C19orf67: variants seen among roughly 807,000 people sequenced by gnomAD.
The protein encoded by C19orf67 is UPF0575 protein C19orf67.
A neutral mutation model predicts 41.4 loss-of-function variants in C19orf67; 28 were observed. The observed-to-expected ratio is 0.68, with a 90% CI of 0.50 to 0.93. The LOEUF (loss-of-function observed/expected upper bound fraction) is 0.93. Among genes scored for constraint, C19orf67 ranks in the 40% least tolerant of loss-of-function variants. C19orf67 has a pLI of 0.00. For missense variants in C19orf67, 421 were observed against 467.0 expected (o/e 0.90, Z 0.91); for synonymous variants, 242 against 203.4 (o/e 1.19, Z -1.62).
At position 14,081,997 on chromosome 19, in the gene C19orf67, G is replaced by C. The variant is rs771984241; in HGVS notation, c.914C>G (p.Pro305Arg). 39 of 1,510,866 alleles carry C rather than the reference G, an allele frequency of 2.6e-5. No individual in the cohort carries two copies. In the Middle Eastern group the frequency reaches 1.0e-3, roughly 39 times the overall value. The allele number at this position is 1,510,866 out of a possible 1,614,324, so 93.6% of individuals were successfully genotyped here. A position where few individuals can be genotyped will look rare whatever the true frequency, so the allele number is the denominator to read the frequency against. The change falls in exon 6 of 6, where the codon CCG (proline) becomes CGG (arginine). Residue 305 changes from proline to arginine, a missense_variant. By Grantham distance (103) the Pro-to-Arg change is moderately radical (BLOSUM62 -2). Transcript: ENST00000548523. ...EDDLYSWILCPQPLGDYQQLL... is the reference protein window; with the variant it reads ...EDDLYSWILCRQPLGDYQQLL... Reference sequence around the variant, plus strand: ...CTGCTGGTAGTCCCCAAGCGGCTGCGGGCACAAAATCCTGGGGTGGGGGGG... The same window carrying C: ...CTGCTGGTAGTCCCCAAGCGGCTGCCGGCACAAAATCCTGGGGTGGGGGGG...
chr19:14,081,887 C>T lies in C19orf67; in HGVS notation c.1024G>A (p.Ala342Thr). 1 of 1,534,040 alleles carries T rather than the reference C, an allele frequency of 6.5e-7. No individual in the cohort carries two copies. The highest frequency in any genetic ancestry group is 2.5e-5 in the East Asian group (1 of 40,766). The change falls in exon 6 of 6, where the codon GCC (alanine) becomes ACC (threonine). Residue 342 changes from alanine to threonine, a missense_variant. Transcript: ENST00000548523. The part of the protein sequence containing the change: ...VQILTGQAGQ[A>T]RPPSAAGPAG... ...GGCCCGGCTGCGCTCGGAGGCCGGG[C>T]CTGGCCTGCCTGGCCCGTGAGGATC...
chr19:14,085,551 G>A lies in C19orf67; in HGVS notation c.77C>T (p.Pro26Leu), dbSNP rs2145727032. ...GGGGTCTCCGCAGGGCGGCGTCCCA[G>A]GTTCCAAGGCGTCTGGAGGCGGTGT... is the stretch of plus-strand genomic sequence containing the variant. ...GETPPPDALE[P>L]GTPPCGDPSR... is the part of the protein sequence containing the mutation. Residue 26 changes from proline (P) to leucine (L), a missense_variant, in exon 1 of 6, where the codon CCT becomes CTT. Transcript: ENST00000548523. The A allele has an allele frequency of 6.5e-7, 1 of 1,535,346 alleles. No homozygotes were observed. The highest frequency in any genetic ancestry group is 1.7e-4 in the Middle Eastern group (1 of 5,978).
Position 14,083,505 on chromosome 19 carries a change from C to T in C19orf67, c.581G>A (p.Ser194Asn), listed in dbSNP as rs1568518478. 6.5e-7 allele frequency: 1 copy of T among 1,535,854 alleles called. No homozygotes were observed. Among genetic ancestry groups the T allele is most frequent in the Non-Finnish European group, 8.7e-7 (1 of 1,146,728 alleles). Residue 194 changes from serine (S) to asparagine (N), a missense_variant and splice_region_variant, in exon 3 of 6, where the codon AGC becomes AAC. Coordinates refer to ENST00000548523, the MANE Select transcript of C19orf67 (RefSeq NM_001277378.2). Reference sequence around the variant, plus strand: ...CCATCTGAGTCTCCTACCATTTTACCTAAGGGGGTTCATCTCCTCCAGGTC... The same window carrying T: ...CCATCTGAGTCTCCTACCATTTTACTTAAGGGGGTTCATCTCCTCCAGGTC... Reference protein sequence around the residue: ...FVDLEEMNPLSISCFFCGRFS... With the variant: ...FVDLEEMNPLNISCFFCGRFS...
rs993656708 is a variant in C19orf67 at position 14,083,618 on chromosome 19, G to C, written c.481-13C>G. ...AGATCTCTAACAGCTGCATACAAGA[G>C]GGGGGTACAGTGAGATCAGCTGGCC... On this transcript the variant is annotated splice_polypyrimidine_tract_variant and intron_variant, in intron 2 of 5. Coordinates refer to ENST00000548523, the MANE Select transcript of C19orf67 (RefSeq NM_001277378.2). 14 of 1,534,850 alleles carry C rather than the reference G, an allele frequency of 9.1e-6. No homozygotes were observed. The highest frequency in any genetic ancestry group is 2.0e-5 in the Admixed American group (1 of 50,958).
intron 5 of C19orf67, 88 bp from the exon 6 acceptor site, chr19:14,082,096 G>T: frequency 8.6e-7 from 1 of 1,156,870 alleles, no homozygotes; most frequent in Non-Finnish European, 1.2e-6. Context: ...AGAGGCTCAG[G>T]TGAAAGAGGC....
intron 4 of C19orf67, among the ~76,000 whole-genome samples, chr19:14,082,849 CT>C (rs374431275): frequency 3.7e-3 from 536 of 143,322 alleles, no homozygotes; most frequent in Middle Eastern, 7.1e-3. Flanking sequence ...TCCTGGTTCA[CT>C]TTTTTTTTTT....
Position 14,081,798 on chromosome 19 carries a change from A to T in C19orf67, c.*36T>A, listed in dbSNP as rs766144334. 3.4e-6 allele frequency: 5 copies of T among 1,453,740 alleles called. No individual in the cohort carries two copies. The highest frequency in any genetic ancestry group is 4.5e-6 in the Non-Finnish European group (5 of 1,101,396). 90.1% of individuals were successfully genotyped at this position (1,453,740 alleles called of 1,614,324 possible). The stretch of plus-strand genomic sequence containing the variant: ...CCTGCCCCCTATTCTGGAGTTTGGA[A>T]CTGTCAAGTTCCAGCTCCTACCCTC... On this transcript the variant is annotated 3_prime_UTR_variant, in exon 6 of 6. Coordinates refer to ENST00000548523, the MANE Select transcript of C19orf67 (RefSeq NM_001277378.2).
Position 14,083,498 on chromosome 19 carries a change from A to G in C19orf67, c.581+7T>C, listed in dbSNP as rs1403497049. 2 of 1,535,570 alleles carry G rather than the reference A, an allele frequency of 1.3e-6. No individual in the cohort carries two copies. Among genetic ancestry groups the G allele is most frequent in the East Asian group, 4.9e-5 (2 of 40,912 alleles). The stretch of plus-strand genomic sequence containing the variant: ...CATCCCCCCATCTGAGTCTCCTACC[A>G]TTTTACCTAAGGGGGTTCATCTCCT... On this transcript the variant is annotated splice_region_variant and intron_variant, in intron 3 of 5. Transcript: ENST00000548523.
Position 14,082,540 on chromosome 19 carries a change from T to C in C19orf67, c.831A>G (p.Pro277=), listed in dbSNP as rs1473927028. The C allele has an allele frequency of 6.5e-7, 1 of 1,536,384 alleles. No individual in the cohort carries two copies. Among genetic ancestry groups the C allele is most frequent in the Non-Finnish European group, 8.7e-7 (1 of 1,146,936 alleles). The change falls in exon 5 of 6, where the codon CCA becomes CCG. Residue 277 remains proline, a synonymous_variant. Transcript: ENST00000548523. ...DTGQSPANSC[P]QIQKLWSIGR... ...CGATGGACCACAGCTTCTGGATCTG[T>C]GGGCACGAATTGGCTGGACTCTGGC...
At position 14,083,760 on chromosome 19, in the gene C19orf67, T is replaced by A. The variant is rs1332364362; in HGVS notation, c.453A>T (p.Gly151=). 1 of 1,436,158 alleles carries A rather than the reference T, an allele frequency of 7.0e-7. No individual in the cohort carries two copies. The highest frequency in any genetic ancestry group is 2.8e-5 in the Admixed American group (1 of 36,304). The allele number at this position is 1,436,158 out of a possible 1,614,324, so 89.0% of individuals were successfully genotyped here. A position where few individuals can be genotyped will look rare whatever the true frequency, so the allele number is the denominator to read the frequency against. Residue 151 remains glycine (G), a synonymous_variant, in exon 2 of 6, where the codon GGA becomes GGT. Transcript: ENST00000548523. ...AAARSIPPIY[G]PLQELVRKGL... is the part of the protein sequence containing the mutation. ...CCTTTCGGACCAGCTCCTGCAGGGG[T>A]CCATAGATGGGGGGTATGCTTCTCG... is the stretch of plus-strand genomic sequence containing the variant.
chr19:14,083,501 T>C lies in C19orf67; in HGVS notation c.581+4A>G. The C allele has an allele frequency of 1.3e-6, 2 of 1,535,604 alleles. No homozygotes were observed. Among genetic ancestry groups the C allele is most frequent in the Non-Finnish European group, 1.7e-6 (2 of 1,146,554 alleles). ...CCCCCCATCTGAGTCTCCTACCATT[T>C]TACCTAAGGGGGTTCATCTCCTCCA... On this transcript the variant is annotated splice_donor_region_variant and intron_variant, in intron 3 of 5. Coordinates refer to ENST00000548523, the MANE Select transcript of C19orf67 (RefSeq NM_001277378.2).
rs1055902456 is a variant in C19orf67 at position 14,083,533 on chromosome 19, C to T, written c.553G>A (p.Val185Met). The T allele has an allele frequency of 1.2e-5, 18 of 1,535,904 alleles. No homozygotes were observed. The highest frequency in any genetic ancestry group is 1.5e-5 in the Non-Finnish European group (17 of 1,146,872). ...AGGGGGTTCATCTCCTCCAGGTCCA[C>T]GAACCCAAAGGAAGCGTACATGAGG... ...LVLMYASFGF[V>M]DLEEMNPLSI... The change falls in exon 3 of 6, where the codon GTG (valine) becomes ATG (methionine). Residue 185 changes from valine to methionine, a missense_variant. This residue lies in a region of C19orf67 where 253 missense variants were observed against 307.0 expected (regional missense o/e 0.82). Coordinates refer to ENST00000548523, the MANE Select transcript of C19orf67 (RefSeq NM_001277378.2).
chr19:14,082,625 A>T (rs1331013301), intron 4 of C19orf67, 22 bp from the exon 5 acceptor site: 20 of 1,531,610 alleles, frequency 1.3e-5, no homozygotes, highest in Non-Finnish European at 1.7e-5. Context: ...GGGAGCTGTA[A>T]TTAGAAGTGA....
Position 14,081,838 on chromosome 19 carries a change from G to C in C19orf67, c.1073C>G (p.Ser358Cys). The C allele has an allele frequency of 6.5e-7, 1 of 1,529,180 alleles. No homozygotes were observed. The highest frequency in any genetic ancestry group is 8.7e-7 in the Non-Finnish European group (1 of 1,143,750). 94.7% of individuals were successfully genotyped at this position (1,529,180 alleles called of 1,614,324 possible). Residue 358 changes from serine (S) to cysteine (C), a missense_variant, in exon 6 of 6, where the codon TCT becomes TGT. Physicochemically the swap from Ser to Cys is moderately radical, Grantham distance 112. Coordinates refer to ENST00000548523, the MANE Select transcript of C19orf67 (RefSeq NM_001277378.2). ...AGPAGWAAQGS is the reference protein window; with the variant it reads ...AGPAGWAAQGC ...CTCCTACCCTCTTCCCCAGGTTCAA[G>C]ACCCCTGCGCTGCCCACCCCGCAGG...
At position 14,081,683 on chromosome 19, in the gene C19orf67, C is replaced by T. The variant is rs1599320932; in HGVS notation, c.*151G>A. On this transcript the variant is annotated 3_prime_UTR_variant, in exon 6 of 6. Coordinates refer to ENST00000548523, the MANE Select transcript of C19orf67 (RefSeq NM_001277378.2). ...CGTGTCCGCATTCAGGGCCCCACGG[C>T]CAAGCCGGACTCGGTGCAGACAGGT... is the stretch of plus-strand genomic sequence containing the variant. 1 of 582,950 alleles carries T rather than the reference C, an allele frequency of 1.7e-6. No individual in the cohort carries two copies. The highest frequency in any genetic ancestry group is 2.7e-6 in the Non-Finnish European group (1 of 364,686). The allele number at this position is 582,950 out of a possible 1,614,324, so 36.1% of individuals were successfully genotyped here.
Position 14,085,457 on chromosome 19 carries a change from C to T in C19orf67, c.171G>A (p.Arg57=). The T allele has an allele frequency of 9.1e-6, 14 of 1,535,386 alleles. No individual in the cohort carries two copies. Among genetic ancestry groups the T allele is most frequent in the Non-Finnish European group, 1.2e-5 (14 of 1,146,666 alleles). The change falls in exon 1 of 6, where the codon CGG becomes CGA. Residue 57 remains arginine, a synonymous_variant. Transcript: ENST00000548523. ...SEPDPEDAEG[R]LAEARASTSS... ...ACGTGGAGGCCCGGGCCTCAGCCAG[C>T]CGCCCCTCGGCATCTTCAGGATCCG...
In C19orf67 at chr19:14,085,529, G is replaced by A. The variant is rs771913403; in HGVS notation, c.99C>T (p.Asp33=). The part of the protein sequence containing the change: ...ALEPGTPPCG[D]PSRSTPPGRP... Reference sequence around the variant, plus strand: ...TGCCAGGGGGCGTCGACCTGGAGGGGTCTCCGCAGGGCGGCGTCCCAGGTT... The same window carrying A: ...TGCCAGGGGGCGTCGACCTGGAGGGATCTCCGCAGGGCGGCGTCCCAGGTT... The change falls in exon 1 of 6, where the codon GAC becomes GAT. Residue 33 remains aspartate (D), a synonymous_variant. Transcript: ENST00000548523. The A allele has an allele frequency of 1.3e-4, 202 of 1,535,288 alleles. No homozygotes were observed. The highest frequency in any genetic ancestry group is 1.7e-4 in the Non-Finnish European group (198 of 1,146,698).
intron 1 of C19orf67, among the ~76,000 whole-genome samples, chr19:14,084,676 GA>G (rs1382697976): frequency 6.6e-6 from 1 of 151,858 alleles, no homozygotes; most frequent in Non-Finnish European, 1.5e-5. Context: ...ACTAAGAAAA[GA>G]AAAAAATTAG....
chr19:14,083,909 C>G, intron 1 of C19orf67, 32 bp from the exon 2 acceptor site: 1 of 1,295,994 alleles, frequency 7.7e-7, no homozygotes, highest in Non-Finnish European at 9.8e-7. Flanking sequence ...TGCCTGGAAT[C>G]CCTCACAACC....
Sources: gnomAD v4.1 joint callset for allele counts (sites outside exome capture counted in the v4.1 genomes callset) on GRCh38, gnomAD v4.1.1 for gene constraint, gnomAD v4.1.1 regional missense constraint, MANE v1.5 for transcripts, NCBI Gene and HGNC (gene_info 2026-07-23, HGNC 2026-07-21) for gene names.